The following CHIC2 variants were observed in gnomAD, a reference collection of about 807,000 sequenced individuals.
CHIC2 encodes cysteine rich hydrophobic domain 2.
A neutral mutation model predicts 25.9 loss-of-function variants in CHIC2; 14 were observed. The ratio of observed to expected loss-of-function variants is 0.54; its 90% CI spans 0.36 to 0.85. The LOEUF (loss-of-function observed/expected upper bound fraction) is 0.85. Among genes scored for constraint, CHIC2 ranks in the 40% least tolerant of loss-of-function variants. The pLI is 0.01. For missense variants in CHIC2, 146 were observed against 202.0 expected (o/e 0.72, Z 1.68); for synonymous variants, 70 against 72.0 (o/e 0.97, Z 0.14).
intron 3 of CHIC2, among the ~76,000 whole-genome samples, chr4:54,040,683 A>G (rs909734615): frequency 7.3e-6 from 1 of 137,614 alleles, no homozygotes; most frequent in Admixed American, 7.5e-5. Context: ...AGCCTGGGTG[A>G]TAAAAGTGAA....
chr4:54,027,243 T>A (rs1422784076), intron 3 of CHIC2, among the ~76,000 whole-genome samples: 3 of 152,188 alleles, frequency 2.0e-5, no homozygotes, highest in Non-Finnish European at 4.4e-5. Flanking sequence ...AATACTATGT[T>A]CTAAATATTT....
chr4:54,063,426 G>A (rs1560400440), intron 1 of CHIC2, among the ~76,000 whole-genome samples: 1 of 152,100 alleles, frequency 6.6e-6, no homozygotes, highest in East Asian at 1.9e-4. Flanking sequence ...TGGTCTTTCC[G>A]AAAGCTTTCA....
intron 3 of CHIC2, among the ~76,000 whole-genome samples, chr4:54,034,870 G>A (rs1052167697): frequency 6.6e-6 from 1 of 152,138 alleles, no homozygotes; most frequent in Non-Finnish European, 1.5e-5. Context: ...GTTAATTGTA[G>A]GGTTTTTGTA....
intron 1 of CHIC2, among the ~76,000 whole-genome samples, chr4:54,061,817 G>C (rs1188418317): frequency 6.6e-6 from 1 of 152,000 alleles, no homozygotes; most frequent in Non-Finnish European, 1.5e-5. Flanking sequence ...GATCCTTATT[G>C]TCATCAAAAT....
chr4:54,041,101 A>G (rs771262132), intron 3 of CHIC2, among the ~76,000 whole-genome samples: 2 of 151,478 alleles, frequency 1.3e-5, no homozygotes, highest in Non-Finnish European at 2.9e-5. Context: ...TTTTTAGTAG[A>G]GATGGGGTTT....
At chr4:54,024,340 T>C (rs968536719) in intron 3 of CHIC2, among the ~76,000 whole-genome samples, 9 of 152,174 alleles carry the variant, frequency 5.9e-5, no homozygotes, top group African/African-American at 1.9e-4. Context: ...TTGGAGTGGA[T>C]AGATGATCTT....
At chr4:54,050,500 C>A (rs1716971765) in intron 1 of CHIC2, among the ~76,000 whole-genome samples, 1 of 152,066 alleles carries the variant, frequency 6.6e-6, no homozygotes, top group Admixed American at 6.6e-5. Context: ...TATCAGGATA[C>A]CTCCTTATAT....
intron 3 of CHIC2, among the ~76,000 whole-genome samples, chr4:54,047,144 A>G (rs996999622): frequency 4.6e-5 from 7 of 152,172 alleles, no homozygotes; most frequent in Non-Finnish European, 7.4e-5. Context: ...AAAAGTCAGG[A>G]AACAACAGGT....
At chr4:54,028,371 T>C (rs1716123786) in intron 3 of CHIC2, among the ~76,000 whole-genome samples, 1 of 152,218 alleles carries the variant, frequency 6.6e-6, no homozygotes, top group South Asian at 2.1e-4. Context: ...AATTTTGAGC[T>C]GTAAGATTGG....
chr4:54,063,476 C>A (rs976627596), intron 1 of CHIC2, among the ~76,000 whole-genome samples: 1 of 152,216 alleles, frequency 6.6e-6, no homozygotes, highest in Non-Finnish European at 1.5e-5. Flanking sequence ...ACTAGTGGGA[C>A]TTTCCAAATT....
At chr4:54,011,851 C>T (rs1715601051) in intron 5 of CHIC2, among the ~76,000 whole-genome samples, 2 of 151,606 alleles carry the variant, frequency 1.3e-5, no homozygotes, top group Non-Finnish European at 2.9e-5. Context: ...TTTTTAGTAT[C>T]TCCAATGTTC....
chr4:54,013,220 T>C (rs1182657647), intron 5 of CHIC2, among the ~76,000 whole-genome samples: 2 of 152,142 alleles, frequency 1.3e-5, no homozygotes, highest in African/African-American at 2.4e-5. Flanking sequence ...ATGGAGTCAG[T>C]AAATTAAATC....
chr4:54,046,968 C>A (rs1716846997), intron 3 of CHIC2, among the ~76,000 whole-genome samples: 1 of 152,164 alleles, frequency 6.6e-6, no homozygotes, highest in Middle Eastern at 3.4e-3. Context: ...AGCAAACAAC[C>A]CCATCAAAAA....
At chr4:54,069,722 C>G in the CHIC2 span, among the ~76,000 whole-genome samples, 3 of 152,272 alleles carry the variant, frequency 2.0e-5, no homozygotes, top group African/African-American at 7.2e-5. Flanking sequence ...TGTTGTATGC[C>G]AGGAAACAGG....
At chr4:54,065,833 G>A (rs147744898), upstream of CHIC2, among the ~76,000 whole-genome samples, 1 of 152,364 alleles carries the variant, frequency 6.6e-6, no homozygotes, top group Non-Finnish European at 1.5e-5. Flanking sequence ...TGAGGACAGT[G>A]AGAGATGCCA....
intron 1 of CHIC2, among the ~76,000 whole-genome samples, chr4:54,055,211 T>C (rs1313915840): frequency 1.3e-5 from 2 of 152,114 alleles, no homozygotes; most frequent in Admixed American, 1.3e-4. Flanking sequence ...TGGGCTCAAG[T>C]GATCTTTCTG....
the CHIC2 span, among the ~76,000 whole-genome samples, chr4:54,084,812 T>C: frequency 2.2e-4 from 34 of 151,720 alleles, no homozygotes; most frequent in Non-Finnish European, 2.9e-4. Flanking sequence ...TATAAAAAAT[T>C]AGTCAGGCGT....
At chr4:54,016,058 T>TTAA (rs1715729043) in intron 3 of CHIC2, among the ~76,000 whole-genome samples, 1 of 152,220 alleles carries the variant, frequency 6.6e-6, no homozygotes, top group South Asian at 2.1e-4. Flanking sequence ...CTAGGGCCTT[T>TTAA]TAATAATAGA....
chr4:54,085,032 G>T, the CHIC2 span, among the ~76,000 whole-genome samples: 20 of 144,762 alleles, frequency 1.4e-4, no homozygotes, highest in African/African-American at 4.1e-4. Flanking sequence ...ACACTGAATT[G>T]ATATAAATAA....
Sources: allele counts gnomAD v4.1 joint callset (sites outside exome capture counted in the v4.1 genomes callset), GRCh38; gene constraint gnomAD v4.1.1; transcripts MANE v1.5; gene names NCBI Gene and HGNC (gene_info 2026-07-23, HGNC 2026-07-21).